The following DCDC1 variants were observed in gnomAD, a reference collection of about 807,000 sequenced individuals.
DCDC1 encodes the protein doublecortin domain-containing protein 1.
DCDC1 carries 200 observed loss-of-function variants against 178.3 expected under a neutral mutation model. The ratio of observed to expected loss-of-function variants is 1.12; its 90% confidence interval spans 1.00 to 1.26. The LOEUF is 1.26. Among genes scored for constraint, DCDC1 ranks in the 50% most tolerant of loss-of-function variants. DCDC1 has a pLI of 0.00. For missense variants in DCDC1, 1,983 were observed against 1,749.2 expected, an observed-to-expected ratio of 1.13 and a Z score of -2.38; for synonymous variants, 690 against 604.8, an observed-to-expected ratio of 1.14 and a Z score of -2.07.
chr11:31,206,802 T>A (rs1971922144), intron 9 of DCDC1, among the ~76,000 whole-genome samples: 1 of 152,204 alleles, frequency 6.6e-6, no homozygotes, highest in Admixed American at 6.5e-5. Context: ...CTATTTATTC[T>A]AACTTATTAA....
chr11:30,978,607 T>C (rs1950221137), intron 20 of DCDC1, among the ~76,000 whole-genome samples: 1 of 152,158 alleles, frequency 6.6e-6, no homozygotes, highest in Non-Finnish European at 1.5e-5. Flanking sequence ...GTGTTTATCA[T>C]TTCTATGTGT....
chr11:30,943,143 G>A (rs368545944), intron 21 of DCDC1: 2 of 151,846 alleles, frequency 1.3e-5, no homozygotes, highest in Non-Finnish European at 1.5e-5. Context: ...CTCCACAGTC[G>A]GGAGACCCTA....
chr11:31,345,505 T>G (rs1348063808), intron 1 of DCDC1, among the ~76,000 whole-genome samples: 1 of 152,080 alleles, frequency 6.6e-6, no homozygotes, highest in African/African-American at 2.4e-5. Context: ...TACTACACAC[T>G]CTTTCATGTG....
intron 20 of DCDC1, among the ~76,000 whole-genome samples, chr11:30,976,956 AC>A (rs1950137508): frequency 6.6e-6 from 1 of 152,208 alleles, no homozygotes; most frequent in East Asian, 1.9e-4. Context: ...GGACAAATCG[AC>A]AAAGAAAATG....
chr11:30,923,498 G>A (rs557960574), intron 23 of DCDC1, among the ~76,000 whole-genome samples: 1 of 148,180 alleles, frequency 6.7e-6, no homozygotes, highest in African/African-American at 2.5e-5. Flanking sequence ...TATTGAGAAA[G>A]GCTCAGTAAG....
intron 17 of DCDC1, among the ~76,000 whole-genome samples, chr11:31,086,487 G>A (rs1394414885): frequency 1.3e-5 from 2 of 152,136 alleles, no homozygotes; most frequent in Non-Finnish European, 2.9e-5. Flanking sequence ...CATCTTGTGT[G>A]TGGCTTGTCT....
intron 1 of DCDC1, among the ~76,000 whole-genome samples, chr11:31,360,936 A>AT (rs1275625974): frequency 6.6e-6 from 1 of 152,204 alleles, no homozygotes; most frequent in Non-Finnish European, 1.5e-5. Context: ...ATGGAGAGTA[A>AT]TTAATACATT....
At chr11:31,022,511 A>G (rs779990349) in intron 20 of DCDC1, among the ~76,000 whole-genome samples, 3 of 151,996 alleles carry the variant, frequency 2.0e-5, no homozygotes, top group Non-Finnish European at 4.4e-5. Context: ...TCTTTTGGGG[A>G]TACAATTCAA....
chr11:31,240,546 T>A (rs1247924793), intron 9 of DCDC1, among the ~76,000 whole-genome samples: 2 of 151,902 alleles, frequency 1.3e-5, no homozygotes, highest in Non-Finnish European at 2.9e-5. Flanking sequence ...CATTCCCACC[T>A]CCCCTTCCTC....
intron 20 of DCDC1, among the ~76,000 whole-genome samples, chr11:30,994,144 A>G (rs1951125396): frequency 6.6e-6 from 1 of 152,224 alleles, no homozygotes. Flanking sequence ...AGATTGTTCA[A>G]TATTTGAAAA....
chr11:30,909,002 T>A lies in DCDC1; in HGVS notation c.3862A>T (p.Asn1288Tyr). Residue 1288 changes from asparagine to tyrosine, a missense_variant, in exon 29 of 39, where the codon AAT (asparagine) becomes TAT (tyrosine). Physicochemically the swap from Asn to Tyr is moderately radical, Grantham distance 143 (BLOSUM62 -2). Transcript: ENST00000684477. Reference sequence around the variant, plus strand: ...GATGATGTACAGACACCAGCATAATTTGCTGATGTAATTTCCTTATCCAAG... The same window carrying A: ...GATGATGTACAGACACCAGCATAATATGCTGATGTAATTTCCTTATCCAAG... The part of the protein sequence containing the change: ...TALDKEITSA[N>Y]YAGVCTSSVI... 14 of 1,611,186 alleles carry A rather than the reference T, an allele frequency of 8.7e-6. No individual in the cohort carries two copies. Among genetic ancestry groups the A allele is most frequent in the Non-Finnish European group, 1.1e-5 (13 of 1,178,134 alleles).
chr11:31,103,618 T>G, intron 14 of DCDC1, 26 bp downstream of exon 14: 1 of 752,270 alleles, frequency 1.3e-6, no homozygotes, highest in Admixed American at 1.8e-5. Context: ...TAACCACATC[T>G]TTAACAAGAT....
intron 20 of DCDC1, among the ~76,000 whole-genome samples, chr11:31,003,273 T>C (rs1432153379): frequency 6.6e-6 from 1 of 152,158 alleles, no homozygotes; most frequent in Non-Finnish European, 1.5e-5. Flanking sequence ...AATATGATTG[T>C]TGTTGCAGAC....
rs528453045 is a variant in DCDC1, at chr11:31,290,652, T to C, written c.955A>G (p.Lys319Glu). 2 of 1,599,260 alleles carry C rather than the reference T, an allele frequency of 1.3e-6. No individual in the cohort carries two copies. Among genetic ancestry groups the C allele is most frequent in the African/African-American group, 2.7e-5 (2 of 74,054 alleles). ...AATATTTAATTAAAAATTACCTTTTTCATTGTTTCTTTTCCCACTGTAATC... is the reference window on the plus strand; with the variant it reads ...AATATTTAATTAAAAATTACCTTTTCCATTGTTTCTTTTCCCACTGTAATC... Reference protein sequence around the residue: ...HEITVGKETMKKVLDTCTIRM... With the variant: ...HEITVGKETMEKVLDTCTIRM... Residue 319 changes from lysine to glutamate, a missense_variant, in exon 7 of 39, where the codon AAA (lysine) becomes GAA (glutamate). Coordinates refer to ENST00000684477, the MANE Select transcript of DCDC1 (RefSeq NM_001387274.1).
At chr11:31,220,968 C>T (rs1974195383) in intron 9 of DCDC1, among the ~76,000 whole-genome samples, 1 of 152,104 alleles carries the variant, frequency 6.6e-6, no homozygotes. Context: ...CCTACTGGAT[C>T]AAGGGCCTAC....
chr11:31,162,224 C>T (rs1408638446), intron 9 of DCDC1, among the ~76,000 whole-genome samples: 2 of 151,910 alleles, frequency 1.3e-5, no homozygotes, highest in Non-Finnish European at 2.9e-5. Flanking sequence ...TGCATTCAGC[C>T]TAAAGATATA....
chr11:31,075,984 C>T (rs1295654496), intron 18 of DCDC1, among the ~76,000 whole-genome samples: 2 of 152,172 alleles, frequency 1.3e-5, no homozygotes, highest in Non-Finnish European at 2.9e-5. Context: ...CTCAGCCTCC[C>T]CAGTAGCTGG....
intron 20 of DCDC1, among the ~76,000 whole-genome samples, chr11:30,984,980 C>T (rs1950570037): frequency 6.6e-6 from 1 of 152,160 alleles, no homozygotes; most frequent in Admixed American, 6.6e-5. Context: ...CTCAAAGTCC[C>T]CACATCTAAC....
chr11:31,015,481 C>T (rs1952436051), intron 20 of DCDC1, among the ~76,000 whole-genome samples: 1 of 152,094 alleles, frequency 6.6e-6, no homozygotes, highest in East Asian at 1.9e-4. Flanking sequence ...TTTTCCTCTT[C>T]TCTTGTTGAT....
Sources: allele counts gnomAD v4.1 joint callset (sites outside exome capture counted in the v4.1 genomes callset), GRCh38; gene constraint gnomAD v4.1.1; transcripts MANE v1.5; gene names NCBI Gene and HGNC (gene_info 2026-07-23, HGNC 2026-07-21).